NRXN3: variants seen among roughly 807,000 people sequenced by gnomAD.
NRXN3 encodes neurexin 3.
In NRXN3, 32 loss-of-function variants were observed where a neutral mutation model predicts 137.6. That is an observed-to-expected ratio of 0.23 (90% CI 0.18 to 0.31). The LOEUF (loss-of-function observed/expected upper bound fraction) is 0.31, where lower values mean the gene tolerates loss of function less well. Among genes scored for constraint, NRXN3 ranks in the 10% least tolerant of loss-of-function variants. NRXN3 has a pLI of 1.00. For missense variants in NRXN3, 1,574 were observed against 2,062.5 expected (o/e 0.76, Z 4.59); for synonymous variants, 798 against 784.5 (o/e 1.02, Z -0.29).
intron 15 of NRXN3, among the ~76,000 whole-genome samples, chr14:79,113,199 A>C (rs1417583850): frequency 3.3e-5 from 5 of 152,206 alleles, no homozygotes; most frequent in Non-Finnish European, 7.3e-5. Flanking sequence ...CTGGAAGTCA[A>C]AAAAGCATTC....
chr14:79,269,189 T>C (rs937390819), intron 15 of NRXN3, among the ~76,000 whole-genome samples: 2 of 151,988 alleles, frequency 1.3e-5, no homozygotes, highest in African/African-American at 4.8e-5. Context: ...AGCTGGGACT[T>C]CAGGTGCCCG....
At chr14:78,304,886 A>G (rs903333608) in intron 4 of NRXN3, among the ~76,000 whole-genome samples, 8 of 152,194 alleles carry the variant, frequency 5.3e-5, no homozygotes, top group African/African-American at 1.9e-4. Context: ...GATGCTCAAG[A>G]AAAGCCAGAA....
chr14:79,205,591 A>G (rs1265689733), intron 15 of NRXN3, among the ~76,000 whole-genome samples: 2 of 152,182 alleles, frequency 1.3e-5, no homozygotes, highest in East Asian at 3.8e-4. Flanking sequence ...ACCATCATCA[A>G]TCACCATTAT....
chr14:79,849,225 T>G (rs772045031), intron 20 of NRXN3, among the ~76,000 whole-genome samples: 3 of 152,212 alleles, frequency 2.0e-5, no homozygotes, highest in Non-Finnish European at 4.4e-5. Flanking sequence ...CAAAAGTCCA[T>G]TCTCCATACC....
intron 20 of NRXN3, among the ~76,000 whole-genome samples, chr14:79,840,370 G>T (rs756121634): frequency 9.2e-5 from 14 of 152,066 alleles, no homozygotes; most frequent in Non-Finnish European, 1.6e-4. Flanking sequence ...ACCTGGGATT[G>T]TGCAAAAAAG....
At chr14:78,791,220 T>C (rs546445098) in intron 8 of NRXN3, among the ~76,000 whole-genome samples, 1 of 152,318 alleles carries the variant, frequency 6.6e-6, no homozygotes, top group South Asian at 2.1e-4. Flanking sequence ...TCTATCTCTT[T>C]GGATGTTCAG....
intron 15 of NRXN3, among the ~76,000 whole-genome samples, chr14:79,010,222 G>A (rs555650742): frequency 6.6e-6 from 1 of 152,162 alleles, no homozygotes; most frequent in African/African-American, 2.4e-5. Context: ...TCCAATTAGA[G>A]AAAATGAAAT....
chr14:78,872,054 C>G (rs1029683729), intron 10 of NRXN3, among the ~76,000 whole-genome samples: 1 of 151,922 alleles, frequency 6.6e-6, no homozygotes, highest in Non-Finnish European at 1.5e-5. Context: ...ATTACTTTCA[C>G]TCTTTTAGTT....
At chr14:78,470,217 G>T (rs2095232628) in intron 4 of NRXN3, among the ~76,000 whole-genome samples, 1 of 152,196 alleles carries the variant, frequency 6.6e-6, no homozygotes, top group African/African-American at 2.4e-5. Context: ...TGGGTTCAGG[G>T]TTTCTTCAGA....
intron 10 of NRXN3, among the ~76,000 whole-genome samples, chr14:78,848,416 A>C (rs1272354134): frequency 6.6e-6 from 1 of 152,138 alleles, no homozygotes; most frequent in African/African-American, 2.4e-5. Context: ...CGTTAAAAGA[A>C]AGGAAAGCAA....
At position 79,733,510 on chromosome 14, in the gene NRXN3, T is replaced by C. The variant is rs2154073813; in HGVS notation, c.4014+35573T>C. On this transcript the variant is annotated intron_variant, in intron 19 of 20. Coordinates refer to ENST00000335750, the MANE Select transcript of NRXN3 (RefSeq NM_001330195.2). ...TGTGTGTGGTAATGAAGTTGGTCCA[T>C]TTCTGTGCAGGATTGCAACAATTCT... 2.6e-5 allele frequency among the ~76,000 whole-genome samples: 4 copies of C among 152,292 alleles called. No individual in the cohort carries two copies. The South Asian group carries it at 8.3e-4, about 32-fold the overall frequency.
chr14:78,292,428 C>A (rs894382644), intron 3 of NRXN3, among the ~76,000 whole-genome samples: 1 of 152,128 alleles, frequency 6.6e-6, no homozygotes, highest in Non-Finnish European at 1.5e-5. Context: ...CCCTGAGAAC[C>A]TGTGCGCCAC....
Position 79,748,257 on chromosome 14 carries a change from T to TA in NRXN3, c.4014+50328dup, listed in dbSNP as rs566475941. ...TATGCCAAAAAAAATTTTAAAAACT[T>TA]AAAAAAAAGCGCCTCTTAAAGTTAT... On this transcript the variant is annotated intron_variant, in intron 19 of 20. Coordinates refer to ENST00000335750, the MANE Select transcript of NRXN3 (RefSeq NM_001330195.2). Among the ~76,000 whole-genome samples the TA allele has an allele frequency of 6.9e-4, 104 of 151,510 alleles. No individual in the cohort carries two copies. The Middle Eastern group carries it at 0.01, about 15-fold the overall frequency.
At chr14:78,330,528 A>G (rs1209329236) in intron 4 of NRXN3, among the ~76,000 whole-genome samples, 1 of 152,188 alleles carries the variant, frequency 6.6e-6, no homozygotes, top group South Asian at 2.1e-4. Flanking sequence ...AAATTACTCC[A>G]TCATATTACA....
intron 10 of NRXN3, among the ~76,000 whole-genome samples, chr14:78,876,947 C>G (rs1383853524): frequency 1.3e-5 from 2 of 152,184 alleles, no homozygotes; most frequent in African/African-American, 4.8e-5. Flanking sequence ...TAGAGCCTAG[C>G]AAATCATTGT....
Position 79,185,715 on chromosome 14 carries a change from T to G in NRXN3, c.3262+197574T>G, listed in dbSNP as rs1332724161. Among the ~76,000 whole-genome samples, 8 of 152,268 alleles carry G rather than the reference T, an allele frequency of 5.3e-5. No individual in the cohort carries two copies. In the East Asian group the frequency reaches 1.4e-3, roughly 26 times the overall value. ...CTCCTGACCTCGTGATCCGCCCACC[T>G]TGGCCTCCCAAAATGCTGGGATTAC... On this transcript the variant is annotated intron_variant, in intron 15 of 20. Transcript: ENST00000335750.
chr14:79,651,095 C>T (rs2098473761), intron 16 of NRXN3, among the ~76,000 whole-genome samples: 1 of 152,148 alleles, frequency 6.6e-6, no homozygotes, highest in South Asian at 2.1e-4. Context: ...TCAGTGTCCA[C>T]CTCTAGGACT....
chr14:78,809,900 G>A (rs1035679574), intron 9 of NRXN3, among the ~76,000 whole-genome samples: 1 of 151,848 alleles, frequency 6.6e-6, no homozygotes, highest in Non-Finnish European at 1.5e-5. Context: ...ATAAATTATA[G>A]AGGAAAATAG....
intron 15 of NRXN3, among the ~76,000 whole-genome samples, chr14:79,128,712 C>T (rs1020002641): frequency 3.3e-5 from 5 of 151,916 alleles, no homozygotes; most frequent in Non-Finnish European, 7.4e-5. Context: ...AGGGAGGATT[C>T]CCTCTTTTTC....
Sources: allele counts gnomAD v4.1 joint callset (sites outside exome capture counted in the v4.1 genomes callset), GRCh38; gene constraint gnomAD v4.1.1; transcripts MANE v1.5; gene names NCBI Gene and HGNC (gene_info 2026-07-23, HGNC 2026-07-21).